Variants in CDH18 observed in about 807,000 individuals in gnomAD.
CDH18 encodes the protein cadherin-18.
CDH18 carries 31 observed loss-of-function variants against 67.9 expected under a neutral mutation model. That is an observed-to-expected ratio of 0.46 (90% CI 0.34 to 0.62). The LOEUF (loss-of-function observed/expected upper bound fraction) is 0.62, where lower values mean the gene tolerates loss of function less well. CDH18 is among the 20% of genes least tolerant of loss of function. The pLI, the probability that CDH18 is intolerant of heterozygous loss-of-function variation, is 0.01. For synonymous variants in CDH18, 362 were observed against 347.2 expected (o/e 1.04, Z -0.48); for missense variants, 890 against 975.5 (o/e 0.91, Z 1.17).
intron 3 of CDH18, among the ~76,000 whole-genome samples, chr5:19,777,083 C>A (rs1254723553): frequency 6.6e-6 from 1 of 152,024 alleles, no homozygotes; most frequent in African/African-American, 2.4e-5. Context: ...AGTTCAAGAC[C>A]AGCATGTCCA....
chr5:19,989,261 C>G (rs145676508), upstream of CDH18, among the ~76,000 whole-genome samples: 156 of 152,282 alleles, frequency 1.0e-3, 1 homozygote, highest in African/African-American at 3.2e-3. Flanking sequence ...ACAAGACCCT[C>G]CATCATTGCA....
chr5:19,833,523 G>T (rs1237644567), intron 3 of CDH18, among the ~76,000 whole-genome samples: 1 of 152,024 alleles, frequency 6.6e-6, no homozygotes, highest in Admixed American at 6.6e-5. Flanking sequence ...TCTTTCTCTT[G>T]CCTGATTGCC....
intron 12 of CDH18, among the ~76,000 whole-genome samples, chr5:19,475,913 C>T (rs1362295181): frequency 6.6e-6 from 1 of 152,064 alleles, no homozygotes; most frequent in East Asian, 1.9e-4. Flanking sequence ...TAACTTTTAT[C>T]TTCACTTTTA....
chr5:20,495,216 G>T (rs1277599075), intron 1 of CDH18, among the ~76,000 whole-genome samples: 3 of 151,830 alleles, frequency 2.0e-5, no homozygotes, highest in African/African-American at 7.3e-5. Context: ...AGTCTCTTTG[G>T]TTACATCCTC....
At chr5:20,177,328 T>C (rs1413277998) in intron 2 of CDH18, among the ~76,000 whole-genome samples, 2 of 152,168 alleles carry the variant, frequency 1.3e-5, no homozygotes, top group Admixed American at 6.6e-5. Flanking sequence ...CTTATTATCA[T>C]GGCATCCAGT....
chr5:20,528,133 G>C (rs58652321), intron 1 of CDH18, among the ~76,000 whole-genome samples: 63,798 of 151,722 alleles, frequency 0.42, 14,659 homozygotes, highest in East Asian at 0.56. Context: ...CAAAAGGTAG[G>C]CTTTAAACCA....
At chr5:20,424,197 G>A (rs1382062895) in intron 1 of CDH18, among the ~76,000 whole-genome samples, 1 of 150,758 alleles carries the variant, frequency 6.6e-6, no homozygotes, top group South Asian at 2.1e-4. Flanking sequence ...TTGAAGACAA[G>A]TATCCTCTGC....
chr5:20,411,150 TAAG>T (rs764970684), intron 1 of CDH18, among the ~76,000 whole-genome samples: 2 of 151,862 alleles, frequency 1.3e-5, no homozygotes, highest in African/African-American at 2.4e-5. Flanking sequence ...CAGCAAATCT[TAAG>T]AACAAAAAAC....
chr5:19,891,705 G>T (rs1317537093), intron 2 of CDH18, among the ~76,000 whole-genome samples: 1 of 152,064 alleles, frequency 6.6e-6, no homozygotes, highest in Non-Finnish European at 1.5e-5. Flanking sequence ...TTCTCCCCAG[G>T]CTGAGATACT....
At chr5:20,360,457 C>A (rs148594848) in intron 1 of CDH18, among the ~76,000 whole-genome samples, 5 of 152,262 alleles carry the variant, frequency 3.3e-5, no homozygotes, top group Admixed American at 6.5e-5. Context: ...GCACATTAGG[C>A]CCATCTGTTA....
intron 1 of CDH18, among the ~76,000 whole-genome samples, chr5:20,306,717 A>G (rs552611179): frequency 2.0e-5 from 3 of 152,308 alleles, no homozygotes; most frequent in African/African-American, 7.2e-5. Flanking sequence ...TCACAAAGGT[A>G]TGTTTTTAAC....
intron 1 of CDH18, among the ~76,000 whole-genome samples, chr5:20,461,748 C>T (rs186415576): frequency 8.7e-4 from 132 of 152,244 alleles, no homozygotes; most frequent in Non-Finnish European, 1.4e-3. Flanking sequence ...TATGCTCAGT[C>T]ATCTAAGTTA....
intron 1 of CDH18, among the ~76,000 whole-genome samples, chr5:20,439,362 T>C (rs1299745282): frequency 1.3e-5 from 2 of 151,548 alleles, no homozygotes; most frequent in Non-Finnish European, 2.9e-5. Flanking sequence ...TGTAAACTAT[T>C]GTTTTGAAGG....
intron 2 of CDH18, among the ~76,000 whole-genome samples, chr5:19,873,711 G>C (rs924286895): frequency 2.0e-5 from 3 of 151,850 alleles, no homozygotes. Context: ...GCAGTGGCAC[G>C]ATCTTGGCTC....
At chr5:20,563,979 A>G (rs1294866045) in intron 1 of CDH18, among the ~76,000 whole-genome samples, 3 of 152,130 alleles carry the variant, frequency 2.0e-5, no homozygotes, top group African/African-American at 7.2e-5. Context: ...AGTTTAATCT[A>G]TGACTATTAA....
At chr5:20,527,763 C>T (rs1336412670) in intron 1 of CDH18, among the ~76,000 whole-genome samples, 4 of 152,048 alleles carry the variant, frequency 2.6e-5, no homozygotes, top group African/African-American at 9.7e-5. Context: ...GTAGAAAGCA[C>T]TAAACATAGA....
intron 2 of CDH18, among the ~76,000 whole-genome samples, chr5:20,104,166 G>T (rs1746721267): frequency 6.6e-6 from 1 of 151,096 alleles, no homozygotes; most frequent in African/African-American, 2.4e-5. Context: ...ATTATATATT[G>T]ATAGATATAT....
chr5:20,129,449 A>G (rs1749088303), intron 2 of CDH18, among the ~76,000 whole-genome samples: 1 of 152,040 alleles, frequency 6.6e-6, no homozygotes, highest in Non-Finnish European at 1.5e-5. Context: ...CATGAATCCA[A>G]TTCTTGTTAA....
intron 2 of CDH18, among the ~76,000 whole-genome samples, chr5:20,118,539 C>A (rs945855243): frequency 1.3e-5 from 2 of 152,068 alleles, no homozygotes; most frequent in Admixed American, 1.3e-4. Flanking sequence ...AGAATGTAGT[C>A]CAAACAATTT....
Sources: gnomAD v4.1 joint callset for allele counts (sites outside exome capture counted in the v4.1 genomes callset) on GRCh38, gnomAD v4.1.1 for gene constraint, MANE v1.5 for transcripts, NCBI Gene and HGNC (gene_info 2026-07-23, HGNC 2026-07-21) for gene names.